MOCOS: variants seen among roughly 807,000 people sequenced by gnomAD.
MOCOS encodes molybdenum cofactor sulfurase, also known as human molybdenum cofactor sulfurase.
In MOCOS, 86 loss-of-function variants were observed where a neutral mutation model predicts 83.6. The observed-to-expected ratio is 1.03, with a 90% CI of 0.86 to 1.23. The LOEUF (loss-of-function observed/expected upper bound fraction) is 1.23, where lower values mean the gene tolerates loss of function less well. Among genes scored for constraint, MOCOS ranks in the 50% most tolerant of loss-of-function variants. MOCOS has a pLI of 0.00. For missense variants in MOCOS, 1,120 were observed against 1,126.9 expected (o/e 0.99, Z 0.09); for synonymous variants, 445 against 434.7 (o/e 1.02, Z -0.29).
At chr18:36,223,500 G>T (rs1366238193) in intron 9 of MOCOS, among the ~76,000 whole-genome samples, 1 of 152,128 alleles carries the variant, frequency 6.6e-6, no homozygotes, top group East Asian at 1.9e-4. Context: ...TAGCTATAGT[G>T]ATATATTTTA....
At chr18:36,216,864 T>C (rs2091477703) in intron 8 of MOCOS, among the ~76,000 whole-genome samples, 1 of 152,124 alleles carries the variant, frequency 6.6e-6, no homozygotes, top group Non-Finnish European at 1.5e-5. Flanking sequence ...TTGGGACAAA[T>C]GAATGGGGTG....
At chr18:36,247,639 G>T (rs11660726) in intron 9 of MOCOS, among the ~76,000 whole-genome samples, 18,043 of 152,206 alleles carry the variant, frequency 0.12, 1,144 homozygotes, top group Non-Finnish European at 0.13. Flanking sequence ...TTCAGCTCTA[G>T]GTAAGGGTAA....
chr18:36,239,301 C>T (rs2091572009), intron 9 of MOCOS, among the ~76,000 whole-genome samples: 1 of 150,528 alleles, frequency 6.6e-6, no homozygotes, highest in Non-Finnish European at 1.5e-5. Context: ...TTTAGCGCTT[C>T]CTTCAGGAGC....
intron 11 of MOCOS, among the ~76,000 whole-genome samples, chr18:36,252,315 G>T (rs1568066965): frequency 6.6e-6 from 1 of 152,104 alleles, no homozygotes; most frequent in Non-Finnish European, 1.5e-5. Context: ...AAGCCCAGGA[G>T]TTCAAGACCA....
chr18:36,218,703 A>C (rs1447824179), intron 8 of MOCOS, among the ~76,000 whole-genome samples: 1 of 150,506 alleles, frequency 6.6e-6, no homozygotes, highest in Non-Finnish European at 1.5e-5. Context: ...CATTTTTTTT[A>C]GAGACAGGGT....
At chr18:36,228,169 T>G (rs895195605) in intron 9 of MOCOS, among the ~76,000 whole-genome samples, 2 of 152,016 alleles carry the variant, frequency 1.3e-5, no homozygotes, top group African/African-American at 4.8e-5. Flanking sequence ...TATTAAAAAG[T>G]AAAAAAATAA....
intron 9 of MOCOS, among the ~76,000 whole-genome samples, chr18:36,232,992 T>TA (rs1276412031): frequency 1.3e-5 from 2 of 152,134 alleles, no homozygotes; most frequent in Non-Finnish European, 2.9e-5. Flanking sequence ...AGATATATCT[T>TA]AAACATACTG....
chr18:36,202,313 T>C (rs1190221568), intron 4 of MOCOS, among the ~76,000 whole-genome samples: 4 of 152,248 alleles, frequency 2.6e-5, no homozygotes, highest in Non-Finnish European at 4.4e-5. Flanking sequence ...AATCAATAAC[T>C]GGCTAGTTTA....
At chr18:36,204,007 A>G (rs554112771) in intron 5 of MOCOS, among the ~76,000 whole-genome samples, 19 of 152,350 alleles carry the variant, frequency 1.2e-4, no homozygotes, top group African/African-American at 4.6e-4. Context: ...ACCAGTCCAC[A>G]ATATGGCAAA....
chr18:36,263,455 G>A (rs2091671033), intron 13 of MOCOS, among the ~76,000 whole-genome samples: 1 of 152,228 alleles, frequency 6.6e-6, no homozygotes, highest in Non-Finnish European at 1.5e-5. Context: ...GCAAGGATGA[G>A]GTGGCTTTCT....
intron 13 of MOCOS, 47 bp from the exon 14 acceptor site, chr18:36,266,702 T>G: frequency 6.6e-7 from 1 of 1,526,246 alleles, no homozygotes; most frequent in African/African-American, 1.4e-5. Flanking sequence ...GGTGCAAGGC[T>G]CTGGTCACTT....
chr18:36,253,622 C>T (rs772639194), intron 11 of MOCOS, among the ~76,000 whole-genome samples: 21 of 151,170 alleles, frequency 1.4e-4, no homozygotes, highest in South Asian at 4.2e-4. Flanking sequence ...GCCAAGACCA[C>T]GCCACTGCAC....
chr18:36,253,113 G>A lies in MOCOS; in HGVS notation c.2164+1830G>A, dbSNP rs1003256246. Reference sequence around the variant, plus strand: ...TGTAAATTATCTGGAGAAGTGAGCAGCAGTGAAATCTCTAAGTGCCAATTA... The same window carrying A: ...TGTAAATTATCTGGAGAAGTGAGCAACAGTGAAATCTCTAAGTGCCAATTA... On this transcript the variant is annotated intron_variant, in intron 11 of 14. Coordinates refer to ENST00000261326, the MANE Select transcript of MOCOS (RefSeq NM_017947.4). 2.6e-5 allele frequency among the ~76,000 whole-genome samples: 4 copies of A among 152,128 alleles called. No individual in the cohort carries two copies. The South Asian group carries it at 8.3e-4, about 32-fold the overall frequency.
At chr18:36,244,095 G>GT (rs1775653175) in intron 9 of MOCOS, among the ~76,000 whole-genome samples, 1 of 150,944 alleles carries the variant, frequency 6.6e-6, no homozygotes, top group African/African-American at 2.4e-5. Flanking sequence ...CTTTTGTGTT[G>GT]TTTTTTGTTT....
At chr18:36,249,073 C>G in intron 10 of MOCOS, 73 bp downstream of exon 10, 1 of 1,250,278 alleles carries the variant, frequency 8.0e-7, no homozygotes, top group Non-Finnish European at 1.2e-6. Context: ...GGGTAATGCC[C>G]TATGCAATCT....
chr18:36,232,541 T>C (rs1046778312), intron 9 of MOCOS, among the ~76,000 whole-genome samples: 6 of 152,158 alleles, frequency 3.9e-5, no homozygotes, highest in African/African-American at 1.2e-4. Context: ...TAATAAATTA[T>C]TGTTAACCAT....
intron 2 of MOCOS, among the ~76,000 whole-genome samples, chr18:36,198,177 T>C (rs73430955): frequency 0.087 from 13,156 of 152,080 alleles, 756 homozygotes; most frequent in East Asian, 0.15. Flanking sequence ...TGCTTGAACC[T>C]AAGAGTTCAA....
chr18:36,217,298 T>C (rs184364879), intron 8 of MOCOS, among the ~76,000 whole-genome samples: 195 of 152,324 alleles, frequency 1.3e-3, no homozygotes, highest in African/African-American at 4.6e-3. Context: ...ACAATCAGAA[T>C]TGGAGTGAAA....
chr18:36,188,103 G>T (rs1431865733), intron 1 of MOCOS, among the ~76,000 whole-genome samples: 1 of 152,346 alleles, frequency 6.6e-6, no homozygotes, highest in South Asian at 2.1e-4. Flanking sequence ...CAGCGCCCGG[G>T]CTGGGACAGC....
Sources: allele counts gnomAD v4.1 joint callset (sites outside exome capture counted in the v4.1 genomes callset), GRCh38; gene constraint gnomAD v4.1.1; transcripts MANE v1.5; gene names NCBI Gene and HGNC (gene_info 2026-07-23, HGNC 2026-07-21).